ATRN: variants seen among roughly 807,000 people sequenced by gnomAD.
ATRN encodes the protein attractin-2.
ATRN carries 54 observed loss-of-function variants against 178.7 expected under a neutral mutation model. That is an observed-to-expected ratio of 0.30 (90% CI 0.24 to 0.38). ATRN has a LOEUF of 0.38. Among genes scored for constraint, ATRN ranks in the 10% least tolerant of loss-of-function variants. The probability of loss-of-function intolerance (pLI) is 1.00; values close to 1 mark genes in which losing one functional copy is unlikely to be tolerated. For synonymous variants in ATRN, 636 were observed against 663.0 expected, an observed-to-expected ratio of 0.96 and a Z score of 0.63; for missense variants, 1,443 against 1,815.1, an observed-to-expected ratio of 0.79 and a Z score of 3.73.
intron 18 of ATRN, among the ~76,000 whole-genome samples, chr20:3,590,790 A>G (rs554642610): frequency 6.6e-6 from 1 of 152,294 alleles, no homozygotes; most frequent in Admixed American, 6.5e-5. Context: ...TTCTTCTGGT[A>G]TAGAAAAATA....
At position 3,602,335 on chromosome 20, in the gene ATRN, A is replaced by T. The variant is rs545917422; in HGVS notation, c.3643+1311A>T. Among the ~76,000 whole-genome samples the T allele has an allele frequency of 3.2e-4, 49 of 152,274 alleles. No individual in the cohort carries two copies. The South Asian group carries it at 6.0e-3, about 19-fold the overall frequency. On this transcript the variant is annotated intron_variant, in intron 23 of 28. Transcript: ENST00000262919. ...ACAGAGTGAAACTCCATCTCAAAAA[A>T]AAAAAATAAAAAAACACCTTCCCAA...
rs190937770 is a variant in ATRN at position 3,571,198 on chromosome 20, A to T, written c.1872-1533A>T. Among the ~76,000 whole-genome samples, 12 of 152,274 alleles carry T rather than the reference A, an allele frequency of 7.9e-5. No individual in the cohort carries two copies. The East Asian group carries it at 2.3e-3, about 29-fold the overall frequency. On this transcript the variant is annotated intron_variant, in intron 11 of 28. Transcript: ENST00000262919. ...TTTGGGGCTGTTTGAGTCTTTTGCT[A>T]TTATTAACCCATTTATGCCTAGTGT...
At chr20:3,599,704 T>C (rs1168488098) in intron 22 of ATRN, among the ~76,000 whole-genome samples, 1 of 151,964 alleles carries the variant, frequency 6.6e-6, no homozygotes, top group Admixed American at 6.6e-5. Context: ...CGGACTGGAG[T>C]ATGTGTGGAT....
At chr20:3,509,328 G>T (rs1457038967) in intron 1 of ATRN, among the ~76,000 whole-genome samples, 1 of 152,136 alleles carries the variant, frequency 6.6e-6, no homozygotes, top group African/African-American at 2.4e-5. Context: ...GCTGGTTTAT[G>T]TCTATATCTG....
intron 19 of ATRN, among the ~76,000 whole-genome samples, chr20:3,594,037 G>A (rs774214768): frequency 1.3e-5 from 2 of 152,170 alleles, no homozygotes; most frequent in Non-Finnish European, 2.9e-5. Context: ...CCATCGTGGA[G>A]AAGGCACCTC....
chr20:3,500,154 G>A (rs1348558979), intron 1 of ATRN, among the ~76,000 whole-genome samples: 1 of 152,156 alleles, frequency 6.6e-6, no homozygotes, highest in African/African-American at 2.4e-5. Flanking sequence ...ACACCAGTTA[G>A]AATGGCAATC....
intron 2 of ATRN, among the ~76,000 whole-genome samples, chr20:3,537,713 C>T (rs2085558601): frequency 6.7e-6 from 1 of 150,290 alleles, no homozygotes; most frequent in Admixed American, 6.6e-5. Flanking sequence ...TTCCTATGTC[C>T]AAGTGTTCTC....
At chr20:3,628,035 G>A (rs766284478) in intron 25 of ATRN, among the ~76,000 whole-genome samples, 4 of 152,112 alleles carry the variant, frequency 2.6e-5, no homozygotes, top group Non-Finnish European at 5.9e-5. Flanking sequence ...AGCCAGGCGC[G>A]GTGGTGGGCG....
At chr20:3,524,082 T>C (rs532104061) in intron 1 of ATRN, among the ~76,000 whole-genome samples, 1 of 152,216 alleles carries the variant, frequency 6.6e-6, no homozygotes, top group Non-Finnish European at 1.5e-5. Context: ...GCCTTAAGTG[T>C]AAATGCCCCA....
chr20:3,535,934 T>C (rs990575329), intron 2 of ATRN, among the ~76,000 whole-genome samples: 4 of 151,900 alleles, frequency 2.6e-5, no homozygotes, highest in Non-Finnish European at 5.9e-5. Flanking sequence ...CCAGCCACGG[T>C]TCCATATTTT....
chr20:3,528,140 G>A (rs1346915472), intron 1 of ATRN, among the ~76,000 whole-genome samples: 2 of 152,112 alleles, frequency 1.3e-5, no homozygotes, highest in Admixed American at 1.3e-4. Context: ...GGATGCTGAG[G>A]TGGGTAGATC....
intron 24 of ATRN, among the ~76,000 whole-genome samples, chr20:3,608,904 C>CTG (rs992854053): frequency 6.0e-5 from 9 of 149,356 alleles, no homozygotes; most frequent in Admixed American, 4.0e-4. Flanking sequence ...GAGGAGGAGG[C>CTG]TGCAGTGAGC....
chr20:3,510,532 T>C (rs2085111723), intron 1 of ATRN, among the ~76,000 whole-genome samples: 1 of 152,224 alleles, frequency 6.6e-6, no homozygotes, highest in Non-Finnish European at 1.5e-5. Flanking sequence ...TTTTTTGTTT[T>C]TTAATGATAT....
At chr20:3,646,271 C>T (rs2087107251) in intron 28 of ATRN, among the ~76,000 whole-genome samples, 2 of 152,080 alleles carry the variant, frequency 1.3e-5, no homozygotes, top group African/African-American at 2.4e-5. Flanking sequence ...ATCTGAATCT[C>T]GTCATAAAGC....
Position 3,591,256 on chromosome 20 carries a change from C to T in ATRN, c.3272C>T (p.Thr1091Ile), listed in dbSNP as rs1053267876. Residue 1091 changes from threonine to isoleucine, a missense_variant, in exon 19 of 29, where the codon ACC (threonine) becomes ATC (isoleucine). Transcript: ENST00000262919. ...ENLTTGKHCE[T>I]CISGFYGDPT... ...CTGACCACAGGCAAGCACTGCGAGA[C>T]CTGCATATCTGGCTTCTACGGTGAT... 6.2e-7 allele frequency: 1 copy of T among 1,614,076 alleles called. No homozygotes were observed. The highest frequency in any genetic ancestry group is 8.5e-7 in the Non-Finnish European group (1 of 1,180,018).
intron 1 of ATRN, among the ~76,000 whole-genome samples, chr20:3,512,107 A>ATATATATATATATATATTTTTT: frequency 9.4e-6 from 1 of 106,400 alleles, no homozygotes; most frequent in Non-Finnish European, 1.8e-5. Flanking sequence ...ATATATATAT[A>ATATATATATATATATATTTTTT]TTTTTTTTTT....
chr20:3,567,297 A>C (rs941913273), intron 11 of ATRN, among the ~76,000 whole-genome samples: 1 of 152,184 alleles, frequency 6.6e-6, no homozygotes, highest in African/African-American at 2.4e-5. Context: ...TTCTCCTAGC[A>C]CAGGATTTGG....
intron 1 of ATRN, among the ~76,000 whole-genome samples, chr20:3,517,288 A>G (rs961820142): frequency 1.3e-5 from 2 of 152,114 alleles, no homozygotes; most frequent in African/African-American, 4.8e-5. Context: ...TAATATGTAC[A>G]ATATTATCTC....
intron 24 of ATRN, among the ~76,000 whole-genome samples, chr20:3,609,517 C>A (rs903163961): frequency 1.3e-5 from 2 of 152,088 alleles, no homozygotes; most frequent in African/African-American, 4.8e-5. Flanking sequence ...CCCTTTATTT[C>A]TTTCTTTTGC....
Sources: gnomAD v4.1 joint callset for allele counts (sites outside exome capture counted in the v4.1 genomes callset) on GRCh38, gnomAD v4.1.1 for gene constraint, MANE v1.5 for transcripts, NCBI Gene and HGNC (gene_info 2026-07-23, HGNC 2026-07-21) for gene names.